Variants in ATXN7L1 observed in about 807,000 individuals in gnomAD.
ATXN7L1 encodes ataxin 7 like 1.
Under a neutral mutation model 70.8 loss-of-function variants are expected in ATXN7L1, and 15 were observed. That is an observed-to-expected ratio of 0.21 (90% confidence interval 0.14 to 0.33). The LOEUF (loss-of-function observed/expected upper bound fraction) is 0.33. ATXN7L1 is among the 10% of genes least tolerant of loss of function. The pLI is 1.00. For synonymous variants in ATXN7L1, 440 were observed against 445.1 expected (o/e 0.99, Z 0.14); for missense variants, 975 against 1,097.1 (o/e 0.89, Z 1.57).
intron 2 of ATXN7L1, among the ~76,000 whole-genome samples, chr7:105,844,281 A>T (rs1813648039): frequency 6.6e-6 from 1 of 152,198 alleles, no homozygotes; most frequent in Non-Finnish European, 1.5e-5. Flanking sequence ...CCAGACAAAG[A>T]CATCATAAGA....
At chr7:105,636,350 G>A (rs1797362828) in intron 7 of ATXN7L1, among the ~76,000 whole-genome samples, 2 of 149,946 alleles carry the variant, frequency 1.3e-5, no homozygotes, top group Admixed American at 1.3e-4. Context: ...AGCCGAGATC[G>A]CGCCATTGCA....
At chr7:105,640,643 A>G (rs992395514) in intron 5 of ATXN7L1, among the ~76,000 whole-genome samples, 1 of 152,070 alleles carries the variant, frequency 6.6e-6, no homozygotes, top group South Asian at 2.1e-4. Context: ...TCAAGCCTCA[A>G]CCTCCTGAGT....
intron 3 of ATXN7L1, among the ~76,000 whole-genome samples, chr7:105,762,038 T>A (rs1250024767): frequency 6.6e-6 from 1 of 152,196 alleles, no homozygotes; most frequent in East Asian, 1.9e-4. Context: ...GGAATCCATT[T>A]ATGGAGCCAG....
intron 3 of ATXN7L1, among the ~76,000 whole-genome samples, chr7:105,778,525 A>AACC (rs543795113): frequency 9.2e-6 from 1 of 108,330 alleles, no homozygotes; most frequent in African/African-American, 2.9e-5. Flanking sequence ...AAAAAAAAAA[A>AACC]AAAAAAAAAA....
intron 2 of ATXN7L1, among the ~76,000 whole-genome samples, chr7:105,808,292 T>C (rs527631504): frequency 1.3e-5 from 2 of 152,266 alleles, no homozygotes; most frequent in South Asian, 2.1e-4. Context: ...TGAGCCCTAC[T>C]GCAAAGACTC....
At chr7:105,838,540 C>T (rs1327126765) in intron 2 of ATXN7L1, among the ~76,000 whole-genome samples, 1 of 152,112 alleles carries the variant, frequency 6.6e-6, no homozygotes, top group Admixed American at 6.5e-5. Flanking sequence ...GTGGCCTGTG[C>T]AGAAATCGGT....
intron 7 of ATXN7L1, among the ~76,000 whole-genome samples, chr7:105,628,840 A>AAAT (rs1796146398): frequency 6.7e-6 from 1 of 149,360 alleles, no homozygotes; most frequent in Non-Finnish European, 1.5e-5. Context: ...AATAAATAAA[A>AAAT]TTGTGTATAT....
intron 2 of ATXN7L1, among the ~76,000 whole-genome samples, chr7:105,824,743 TC>T (rs966068874): frequency 1.3e-5 from 2 of 151,716 alleles, no homozygotes; most frequent in African/African-American, 4.8e-5. Flanking sequence ...AAGAACGTTT[TC>T]CAGAATTGAA....
At chr7:105,691,283 G>T (rs1233649887) in intron 3 of ATXN7L1, among the ~76,000 whole-genome samples, 4 of 152,104 alleles carry the variant, frequency 2.6e-5, no homozygotes, top group Non-Finnish European at 4.4e-5. Context: ...ATTTTACTCC[G>T]TTTGTGAACG....
chr7:105,846,670 C>A (rs1336274489), intron 2 of ATXN7L1, among the ~76,000 whole-genome samples: 2 of 152,200 alleles, frequency 1.3e-5, no homozygotes, highest in Non-Finnish European at 2.9e-5. Flanking sequence ...ATGCTCACAG[C>A]AGCACAATTC....
intron 3 of ATXN7L1, among the ~76,000 whole-genome samples, chr7:105,774,784 G>A (rs2116448481): frequency 1.3e-5 from 2 of 152,236 alleles, no homozygotes; most frequent in East Asian, 3.9e-4. Flanking sequence ...ATGGGGTGGA[G>A]GCAGCCACTT....
At chr7:105,855,803 G>A (rs1815638562) in intron 2 of ATXN7L1, among the ~76,000 whole-genome samples, 1 of 152,138 alleles carries the variant, frequency 6.6e-6, no homozygotes, top group Admixed American at 6.5e-5. Context: ...AAACAATTCA[G>A]AATGACAACT....
intron 7 of ATXN7L1, among the ~76,000 whole-genome samples, chr7:105,633,335 G>C (rs1043232713): frequency 1.3e-5 from 2 of 152,222 alleles, no homozygotes; most frequent in Admixed American, 1.3e-4. Context: ...AAAGAGCAAA[G>C]ACATGTTCCA....
chr7:105,657,278 G>T (rs982968578), intron 4 of ATXN7L1, among the ~76,000 whole-genome samples: 1 of 152,080 alleles, frequency 6.6e-6, no homozygotes, highest in Non-Finnish European at 1.5e-5. Flanking sequence ...TGATGGGAGC[G>T]TAACATTTAA....
intron 2 of ATXN7L1, among the ~76,000 whole-genome samples, chr7:105,798,155 C>T (rs557508667): frequency 6.6e-6 from 1 of 152,296 alleles, no homozygotes; most frequent in African/African-American, 2.4e-5. Context: ...AAGGCATGAT[C>T]CAGGTGAGCC....
intron 2 of ATXN7L1, among the ~76,000 whole-genome samples, chr7:105,800,775 A>G (rs1352525911): frequency 6.6e-6 from 1 of 152,210 alleles, no homozygotes; most frequent in Admixed American, 6.5e-5. Context: ...CTTCCAGAAA[A>G]CAGTGTCTTA....
In ATXN7L1 at chr7:105,620,896, G is replaced by A. The variant is rs370070495; in HGVS notation, c.1396-575C>T. Among the ~76,000 whole-genome samples the A allele has an allele frequency of 5.4e-4, 78 of 144,796 alleles. 2 individuals are homozygous for A. The highest frequency in any genetic ancestry group is 1.2e-3 in the African/African-American group (47 of 39,192). 95.0% of individuals were successfully genotyped at this position (144,796 alleles called of 152,430 possible). Reference sequence around the variant, plus strand: ...GGTGACAGGCTGAGACTGTCTCAGAGAAAAAAAAAAAAAAGAAACAACAAC... The same window carrying A: ...GGTGACAGGCTGAGACTGTCTCAGAAAAAAAAAAAAAAAAGAAACAACAAC... On this transcript the variant is annotated intron_variant, in intron 8 of 11. Coordinates refer to ENST00000419735, the MANE Select transcript of ATXN7L1 (RefSeq NM_020725.2).
chr7:105,684,542 A>C (rs1285167664), intron 3 of ATXN7L1, among the ~76,000 whole-genome samples: 1 of 152,114 alleles, frequency 6.6e-6, no homozygotes, highest in Non-Finnish European at 1.5e-5. Flanking sequence ...CCTAAGTTTT[A>C]TTTCACACAT....
intron 3 of ATXN7L1, among the ~76,000 whole-genome samples, chr7:105,784,876 T>C (rs1038071352): frequency 2.0e-5 from 3 of 152,200 alleles, no homozygotes; most frequent in African/African-American, 7.2e-5. Context: ...TAATGTTCTG[T>C]GGAGCCCTGG....
Sources: allele counts gnomAD v4.1 joint callset (sites outside exome capture counted in the v4.1 genomes callset), GRCh38; gene constraint gnomAD v4.1.1; transcripts MANE v1.5; gene names NCBI Gene and HGNC (gene_info 2026-07-23, HGNC 2026-07-21).